Variants in RFC3 observed in about 807,000 individuals in gnomAD.
RFC3 encodes the protein A1 38 kDa subunit.
RFC3 carries 41 observed loss-of-function variants against 45.1 expected under a neutral mutation model. That is an observed-to-expected ratio of 0.91 (90% CI 0.71 to 1.18). The LOEUF is 1.18. Ranked by LOEUF, RFC3 falls within the 50% of genes most tolerant of loss-of-function variation. RFC3 has a pLI of 0.00. For synonymous variants in RFC3, 149 were observed against 144.0 expected (o/e 1.03, Z -0.25); for missense variants, 423 against 428.1 (o/e 0.99, Z 0.10).
intron 8 of RFC3, among the ~76,000 whole-genome samples, chr13:33,870,143 T>C (rs924214159): frequency 2.0e-5 from 3 of 152,238 alleles, no homozygotes; most frequent in African/African-American, 7.2e-5. Flanking sequence ...TCATAAAATC[T>C]GACAGATTGA....
intron 8 of RFC3, among the ~76,000 whole-genome samples, chr13:33,880,688 A>G (rs2082477182): frequency 6.6e-6 from 1 of 152,308 alleles, no homozygotes; most frequent in East Asian, 1.9e-4. Context: ...ACCATGGTAG[A>G]TCAACTCTGA....
chr13:33,937,168 A>G (rs2082892019), intron 8 of RFC3, among the ~76,000 whole-genome samples: 1 of 152,168 alleles, frequency 6.6e-6, no homozygotes, highest in Non-Finnish European at 1.5e-5. Context: ...ACAATACCAT[A>G]TGTTCACCTT....
exon 9 of RFC3, chr13:33,966,450 G>T: frequency 2.8e-6 from 1 of 353,436 alleles, no homozygotes; most frequent in Non-Finnish European, 5.2e-6. Flanking sequence ...ATTTCCATCT[G>T]TATCCCTACA....
In RFC3 at chr13:33,836,795, G is replaced by A. The variant is rs1446447314; in HGVS notation, c.*500G>A. ...CATAATTATTGGTATGGACAAAATT[G>A]CAGATACCATTTCTGTTGAGGCTGC... On this transcript the variant is annotated 3_prime_UTR_variant, in exon 9 of 9. Transcript: ENST00000380071. 2 of 985,646 alleles carry A rather than the reference G, an allele frequency of 2.0e-6. No individual in the cohort carries two copies. Among genetic ancestry groups the A allele is most frequent in the African/African-American group, 3.5e-5 (2 of 57,220 alleles). The allele number at this position is 985,646 out of a possible 1,614,324, so 61.1% of individuals were successfully genotyped here. A position where few individuals can be genotyped will look rare whatever the true frequency, so the allele number is the denominator to read the frequency against.
intron 8 of RFC3, among the ~76,000 whole-genome samples, chr13:33,844,682 C>T (rs971815416): frequency 2.0e-5 from 3 of 152,120 alleles, no homozygotes; most frequent in African/African-American, 4.8e-5. Context: ...TTAACTTCAT[C>T]GCTTCTGCTT....
chr13:33,825,991 C>A, intron 4 of RFC3, 105 bp downstream of exon 4: 2 of 520,826 alleles, frequency 3.8e-6, no homozygotes, highest in Non-Finnish European at 6.6e-6. Context: ...TCTCTGGGCT[C>A]ATGGGAGTTT....
chr13:33,845,607 TTC>T (rs1025906367), intron 8 of RFC3, among the ~76,000 whole-genome samples: 17 of 152,348 alleles, frequency 1.1e-4, no homozygotes, highest in African/African-American at 3.4e-4. Flanking sequence ...GCTGCAGAAT[TTC>T]TGTTTGATTT....
chr13:33,841,092 C>A (rs1362052213), downstream of RFC3, among the ~76,000 whole-genome samples: 1 of 152,166 alleles, frequency 6.6e-6, no homozygotes, highest in Non-Finnish European at 1.5e-5. Context: ...GCATTAGATT[C>A]TCATAGGAGT....
At chr13:33,831,658 C>CA (rs1375229210) in intron 7 of RFC3, among the ~76,000 whole-genome samples, 1 of 116,210 alleles carries the variant, frequency 8.6e-6, no homozygotes, top group Non-Finnish European at 1.6e-5. Flanking sequence ...ACATACAACA[C>CA]AAAGCTAGAG....
At chr13:33,831,222 G>A (rs1430406030) in intron 6 of RFC3, 34 bp from the exon 7 acceptor site, 4 of 1,335,882 alleles carry the variant, frequency 3.0e-6, no homozygotes, top group Non-Finnish European at 4.3e-6. Flanking sequence ...GCACACTTCT[G>A]TTTAACTTCT....
intron 1 of RFC3, among the ~76,000 whole-genome samples, chr13:33,819,270 A>G (rs2081979813): frequency 6.6e-6 from 1 of 152,186 alleles, no homozygotes; most frequent in Non-Finnish European, 1.5e-5. Flanking sequence ...AAAGTGCCCA[A>G]TGGCAATATT....
At chr13:33,818,395 A>G (rs2081968431) in intron 1 of RFC3, 130 bp downstream of exon 1, 10 of 671,052 alleles carry the variant, frequency 1.5e-5, no homozygotes, top group Non-Finnish European at 2.3e-5. Context: ...AAAATAACAC[A>G]GGGAAGGGGG....
At chr13:33,866,217 G>C (rs538405823) in intron 8 of RFC3, among the ~76,000 whole-genome samples, 23 of 152,232 alleles carry the variant, frequency 1.5e-4, no homozygotes, top group Admixed American at 5.2e-4. Context: ...ATATATTGTT[G>C]AGGTGAGCAC....
chr13:33,962,187 T>A (rs1036495852), intron 8 of RFC3, among the ~76,000 whole-genome samples: 1 of 152,186 alleles, frequency 6.6e-6, no homozygotes, highest in African/African-American at 2.4e-5. Flanking sequence ...AGACTGTTCA[T>A]GCCACTTCAA....
downstream of RFC3, among the ~76,000 whole-genome samples, chr13:33,967,630 G>A (rs985329282): frequency 4.0e-5 from 6 of 151,420 alleles, no homozygotes; most frequent in African/African-American, 1.5e-4. Context: ...TGGGATTACA[G>A]GCACACACCA....
chr13:33,887,768 T>C lies in RFC3; in HGVS notation c.879+52551T>C, dbSNP rs1270256022. On this transcript the variant is annotated intron_variant, in intron 8 of 8. Transcript: ENST00000434425. Reference sequence around the variant, plus strand: ...AGGGTTTTTATGGTTTTAGGTCTAATGTTTAAGTCTTTAATCCATCTTGAA... The same window carrying C: ...AGGGTTTTTATGGTTTTAGGTCTAACGTTTAAGTCTTTAATCCATCTTGAA... Among the ~76,000 whole-genome samples the C allele has an allele frequency of 5.9e-5, 9 of 151,940 alleles. 1 individual carries two copies. In the South Asian group the frequency reaches 6.2e-4, roughly 11 times the overall value.
intron 1 of RFC3, among the ~76,000 whole-genome samples, chr13:33,819,024 G>A (rs2081976968): frequency 6.6e-6 from 1 of 151,572 alleles, no homozygotes; most frequent in South Asian, 2.1e-4. Context: ...CCGAGTAGCT[G>A]GGATTACAGG....
intron 8 of RFC3, among the ~76,000 whole-genome samples, chr13:33,939,641 C>A (rs1162865043): frequency 3.3e-5 from 5 of 152,190 alleles, no homozygotes; most frequent in African/African-American, 1.2e-4. Flanking sequence ...GGTGGAAACA[C>A]TTGCTTTACA....
intron 8 of RFC3, among the ~76,000 whole-genome samples, chr13:33,886,195 G>A (rs543845220): frequency 1.2e-4 from 19 of 152,156 alleles, no homozygotes; most frequent in South Asian, 1.2e-3. Flanking sequence ...GGAAAAAGCC[G>A]CGTAGACATA....
Sources: gnomAD v4.1 joint callset for allele counts (sites outside exome capture counted in the v4.1 genomes callset) on GRCh38, gnomAD v4.1.1 for gene constraint, MANE v1.5 for transcripts, NCBI Gene and HGNC (gene_info 2026-07-23, HGNC 2026-07-21) for gene names.